SHISA9: variants seen among roughly 807,000 people sequenced by gnomAD.
SHISA9 encodes the protein shisa family member 9.
A neutral mutation model predicts 38.0 loss-of-function variants in SHISA9; 13 were observed. That is an observed-to-expected ratio of 0.34 (90% CI 0.22 to 0.54). The LOEUF is 0.54. Ranked by LOEUF, SHISA9 falls within the 20% of genes least tolerant of loss-of-function variation. The pLI is 0.91. For synonymous variants in SHISA9, 275 were observed against 242.0 expected (o/e 1.14, Z -1.27); for missense variants, 538 against 575.8 (o/e 0.93, Z 0.67).
intron 2 of SHISA9, among the ~76,000 whole-genome samples, chr16:13,020,367 C>G (rs1358732531): frequency 6.6e-6 from 1 of 152,068 alleles, no homozygotes; most frequent in Non-Finnish European, 1.5e-5. Flanking sequence ...CTCTGACCCT[C>G]ACCCTCCAAA....
At chr16:13,267,113 TA>T in the SHISA9 span, among the ~76,000 whole-genome samples, 1 of 152,134 alleles carries the variant, frequency 6.6e-6, no homozygotes, top group Non-Finnish European at 1.5e-5. Flanking sequence ...TCTTTAACTT[TA>T]AAAATGTTTA....
chr16:13,336,577 A>C, the SHISA9 span, among the ~76,000 whole-genome samples: 1 of 152,196 alleles, frequency 6.6e-6, no homozygotes, highest in Admixed American at 6.5e-5. Context: ...CTCCTTCTCA[A>C]GAAGATAAGG....
chr16:13,125,289 A>C (rs567199170), intron 2 of SHISA9, among the ~76,000 whole-genome samples: 2 of 152,212 alleles, frequency 1.3e-5, no homozygotes, highest in Non-Finnish European at 2.9e-5. Context: ...TAATAATCTC[A>C]TAACAAATGG....
the SHISA9 span, among the ~76,000 whole-genome samples, chr16:13,373,128 C>A: frequency 2.0e-5 from 3 of 152,066 alleles, no homozygotes; most frequent in East Asian, 5.8e-4. Flanking sequence ...TTTTTATGTG[C>A]AAAATACTGG....
At chr16:13,528,412 C>CA in the SHISA9 span, among the ~76,000 whole-genome samples, 19,503 of 142,088 alleles carry the variant, frequency 0.14, 1,515 homozygotes, top group Non-Finnish European at 0.19. Context: ...ACTTGGAGTT[C>CA]AAAAAAAAAA....
At chr16:13,518,838 G>A in the SHISA9 span, among the ~76,000 whole-genome samples, 2 of 152,204 alleles carry the variant, frequency 1.3e-5, no homozygotes, top group Non-Finnish European at 2.9e-5. Context: ...CAAAGGGCCA[G>A]CCTGTGGCGA....
At chr16:12,921,944 T>C (rs912831209) in intron 2 of SHISA9, among the ~76,000 whole-genome samples, 2 of 152,212 alleles carry the variant, frequency 1.3e-5, no homozygotes, top group African/African-American at 2.4e-5. Context: ...CTTATTAGGC[T>C]GATACTATTG....
At chr16:13,139,292 C>CT (rs544525175) in intron 2 of SHISA9, among the ~76,000 whole-genome samples, 36 of 150,008 alleles carry the variant, frequency 2.4e-4, no homozygotes, top group African/African-American at 8.6e-4. Flanking sequence ...CTTCTTCCCT[C>CT]TTTTTTTAAC....
the SHISA9 span, among the ~76,000 whole-genome samples, chr16:13,398,613 C>T: frequency 4.0e-5 from 6 of 151,708 alleles, no homozygotes; most frequent in Non-Finnish European, 7.4e-5. Flanking sequence ...CCGGTTCGAG[C>T]GATTCTCCTG....
rs952414385 is a variant in SHISA9 at position 13,057,023 on chromosome 16, G to A, written c.691+140208G>A. On this transcript the variant is annotated intron_variant, in intron 2 of 4. Transcript: ENST00000558583. ...GCAAAGGGGAGTATGGGGCGCCCCC[G>A]ATCCAGAAAGCATATTGCAAAAGGA... Among the ~76,000 whole-genome samples the A allele has an allele frequency of 2.6e-5, 4 of 152,314 alleles. No individual in the cohort carries two copies. The South Asian group carries it at 6.2e-4, about 24-fold the overall frequency.
chr16:13,355,385 G>T, the SHISA9 span, among the ~76,000 whole-genome samples: 1 of 151,664 alleles, frequency 6.6e-6, no homozygotes, highest in Non-Finnish European at 1.5e-5. Context: ...ACCAAGGAGG[G>T]AGTAGAGGTA....
chr16:13,042,384 C>T (rs1274959070), intron 2 of SHISA9, among the ~76,000 whole-genome samples: 1 of 152,152 alleles, frequency 6.6e-6, no homozygotes, highest in African/African-American at 2.4e-5. Flanking sequence ...TGCTTGGCTG[C>T]AATGAATGGA....
chr16:13,318,666 G>T, the SHISA9 span, among the ~76,000 whole-genome samples: 3 of 152,140 alleles, frequency 2.0e-5, no homozygotes, highest in Non-Finnish European at 4.4e-5. Flanking sequence ...GTTGCTCCCA[G>T]CTGAGGACCA....
At chr16:13,444,716 A>C in the SHISA9 span, among the ~76,000 whole-genome samples, 9 of 151,944 alleles carry the variant, frequency 5.9e-5, no homozygotes, top group Non-Finnish European at 1.2e-4. Context: ...GCATTCTTCA[A>C]GATTCAGTGC....
intron 2 of SHISA9, among the ~76,000 whole-genome samples, chr16:13,092,368 G>A (rs2073783646): frequency 6.6e-6 from 1 of 152,214 alleles, no homozygotes; most frequent in African/African-American, 2.4e-5. Context: ...TGTCAGACAG[G>A]GATGTTTAAG....
downstream of SHISA9, among the ~76,000 whole-genome samples, chr16:13,244,925 C>T (rs972677107): frequency 6.6e-6 from 1 of 152,142 alleles, no homozygotes; most frequent in African/African-American, 2.4e-5. Flanking sequence ...CATTTATTTA[C>T]TTACTTTTGA....
At chr16:13,342,180 C>T in the SHISA9 span, among the ~76,000 whole-genome samples, 4 of 152,206 alleles carry the variant, frequency 2.6e-5, no homozygotes, top group Non-Finnish European at 5.9e-5. Context: ...TTTTTCCAAG[C>T]ACAAAACTGA....
At chr16:13,101,225 A>T (rs2073876246) in intron 2 of SHISA9, among the ~76,000 whole-genome samples, 1 of 152,230 alleles carries the variant, frequency 6.6e-6, no homozygotes, top group Non-Finnish European at 1.5e-5. Context: ...ACTGTACTGT[A>T]TACTTGAGAT....
At chr16:13,096,021 G>C (rs973742343) in intron 2 of SHISA9, among the ~76,000 whole-genome samples, 2 of 152,232 alleles carry the variant, frequency 1.3e-5, no homozygotes, top group African/African-American at 4.8e-5. Flanking sequence ...TGGTGGTCAA[G>C]AGTGAAAGCC....
Sources: gnomAD v4.1 joint callset for allele counts (sites outside exome capture counted in the v4.1 genomes callset) on GRCh38, gnomAD v4.1.1 for gene constraint, MANE v1.5 for transcripts, NCBI Gene and HGNC (gene_info 2026-07-23, HGNC 2026-07-21) for gene names.